MID1: variants seen among roughly 807,000 people sequenced by gnomAD.
The protein encoded by MID1 is E3 ubiquitin-protein ligase Midline-1.
A neutral mutation model predicts 40.4 loss-of-function variants in MID1; 7 were observed. The ratio of observed to expected loss-of-function variants is 0.17; its 90% confidence interval spans 0.10 to 0.33. The LOEUF is 0.33. Ranked by LOEUF, MID1 falls within the 10% of genes least tolerant of loss-of-function variation. The probability of loss-of-function intolerance (pLI) is 1.00; values close to 1 mark genes in which losing one functional copy is unlikely to be tolerated. For missense variants in MID1, 367 were observed against 558.5 expected (o/e 0.66, Z 3.46); for synonymous variants, 229 against 221.2 (o/e 1.04, Z -0.31).
intron 2 of MID1, among the ~76,000 whole-genome samples, chrX:10,560,723 G>T (rs1471610567): frequency 9.0e-6 from 1 of 111,109 alleles, no homozygotes; most frequent in African/African-American, 3.3e-5. Context: ...AATAAGAGAG[G>T]ACACAAACAA....
chrX:10,577,563 T>G (rs1934904942), intron 1 of MID1, among the ~76,000 whole-genome samples: 1 of 110,211 alleles, frequency 9.1e-6, no homozygotes, highest in Admixed American at 9.7e-5. Context: ...TGATAAACAA[T>G]TTAAAATATA....
intron 1 of MID1, among the ~76,000 whole-genome samples, chrX:10,575,823 C>T (rs921301177): frequency 7.2e-5 from 8 of 110,866 alleles, no homozygotes; most frequent in African/African-American, 2.3e-4. Flanking sequence ...ATAAATAATA[C>T]ATCAAGTAAG....
At chrX:10,559,777 G>A (rs765285177) in intron 2 of MID1, among the ~76,000 whole-genome samples, 1 of 111,170 alleles carries the variant, frequency 9.0e-6, no homozygotes, top group Non-Finnish European at 1.9e-5. Context: ...TAGACTATAA[G>A]CTCCATGAAG....
chrX:10,787,772 C>G (rs997546628), intron 1 of MID1, among the ~76,000 whole-genome samples: 1 of 105,714 alleles, frequency 9.5e-6, no homozygotes, highest in African/African-American at 3.5e-5. Flanking sequence ...AGGAATTTCC[C>G]CCCCTAAAAT....
chrX:10,497,382 A>G (rs1209734567), intron 3 of MID1, among the ~76,000 whole-genome samples: 1 of 111,888 alleles, frequency 8.9e-6, no homozygotes, highest in Admixed American at 9.5e-5. Flanking sequence ...AACCCTGCTG[A>G]GTTGGTTTAG....
At chrX:10,791,272 A>G (rs1048947439) in intron 1 of MID1, among the ~76,000 whole-genome samples, 1 of 112,100 alleles carries the variant, frequency 8.9e-6, no homozygotes, top group African/African-American at 3.2e-5. Context: ...GGTGGGGAAG[A>G]TGAGAATGTA....
chrX:10,821,201 T>C (rs1035792705), intron 1 of MID1, among the ~76,000 whole-genome samples: 5 of 111,856 alleles, frequency 4.5e-5, no homozygotes, highest in Non-Finnish European at 9.4e-5. Flanking sequence ...CTCCTGGAAG[T>C]ATAGAAGACA....
At chrX:10,662,525 A>G (rs2042921738) in intron 1 of MID1, among the ~76,000 whole-genome samples, 1 of 111,247 alleles carries the variant, frequency 9.0e-6, no homozygotes, top group African/African-American at 3.3e-5. Context: ...TATTTGTGGC[A>G]TGTATATCGG....
chrX:10,557,853 A>T (rs1934181153), intron 2 of MID1, among the ~76,000 whole-genome samples: 1 of 111,481 alleles, frequency 9.0e-6, no homozygotes, highest in African/African-American at 3.3e-5. Context: ...AGGACCTTGA[A>T]TCTCACAATT....
At chrX:10,497,677 CT>C (rs770834764) in intron 3 of MID1, among the ~76,000 whole-genome samples, 236 of 111,768 alleles carry the variant, frequency 2.1e-3, no homozygotes, top group Non-Finnish European at 3.5e-3. Flanking sequence ...TACAATAGTC[CT>C]GAATAAAATG....
chrX:10,655,333 C>A (rs2042863303), intron 1 of MID1, among the ~76,000 whole-genome samples: 1 of 111,295 alleles, frequency 9.0e-6, no homozygotes, highest in Non-Finnish European at 1.9e-5. Flanking sequence ...CAAGCCAGGC[C>A]AATAAGCTTT....
chrX:10,543,838 G>GT (rs1467526515), intron 2 of MID1, among the ~76,000 whole-genome samples: 5 of 108,434 alleles, frequency 4.6e-5, no homozygotes, highest in Middle Eastern at 4.3e-3. Flanking sequence ...GCGAGACTCT[G>GT]TTTTTTTAAA....
intron 2 of MID1, among the ~76,000 whole-genome samples, chrX:10,528,617 C>G (rs772180016): frequency 4.2e-4 from 47 of 111,740 alleles, no homozygotes; most frequent in Non-Finnish European, 8.1e-4. Context: ...TTTACCAAAA[C>G]AAGTGGTGAG....
At chrX:10,618,004 A>T (rs1438784521) in intron 1 of MID1, among the ~76,000 whole-genome samples, 2 of 112,383 alleles carry the variant, frequency 1.8e-5, no homozygotes, top group African/African-American at 3.2e-5. Context: ...TTTTCTGCCA[A>T]CCTGGCAGAA....
intron 3 of MID1, among the ~76,000 whole-genome samples, chrX:10,502,966 G>A (rs1055676684): frequency 8.9e-6 from 1 of 111,818 alleles, no homozygotes; most frequent in African/African-American, 3.2e-5. Context: ...TCACTCCAAA[G>A]GAAAAACATT....
chrX:10,503,324 T>G (rs989357712), intron 3 of MID1, among the ~76,000 whole-genome samples: 7 of 111,697 alleles, frequency 6.3e-5, no homozygotes, highest in African/African-American at 2.3e-4. Flanking sequence ...GTAATTCATC[T>G]GATATGTTTA....
intron 2 of MID1, among the ~76,000 whole-genome samples, chrX:10,526,875 C>A (rs1932844711): frequency 9.0e-6 from 1 of 111,345 alleles, no homozygotes; most frequent in Non-Finnish European, 1.9e-5. Context: ...AGACTTGTTT[C>A]CAAGTGGTAC....
rs1401662194 is a variant in MID1 at position 10,606,732 on chromosome X, G to T, written c.-57+13558C>A. 4.7e-5 allele frequency among the ~76,000 whole-genome samples: 5 copies of T among 107,073 alleles called. No individual in the cohort carries two copies. The East Asian group carries it at 1.4e-3, about 30-fold the overall frequency. The allele number at this position is 107,073 out of a possible 115,157, so 93.0% of individuals were successfully genotyped here. A position where few individuals can be genotyped will look rare whatever the true frequency, so the allele number is the denominator to read the frequency against. On this transcript the variant is annotated intron_variant, in intron 1 of 9. Coordinates refer to ENST00000317552, the MANE Select transcript of MID1 (RefSeq NM_000381.4). ...TTTCAATTATGTGTGTTCAATTTGT[G>T]TTTTATTTTATTTTGTTTTGTTTTG...
At chrX:10,719,428 G>C (rs2043331953) in intron 1 of MID1, among the ~76,000 whole-genome samples, 2 of 111,117 alleles carry the variant, frequency 1.8e-5, no homozygotes, top group African/African-American at 6.6e-5. Context: ...GCCAAATCAT[G>C]AGTGAACTCC....
Sources: allele counts gnomAD v4.1 joint callset (sites outside exome capture counted in the v4.1 genomes callset), GRCh38; gene constraint gnomAD v4.1.1; transcripts MANE v1.5; gene names NCBI Gene and HGNC (gene_info 2026-07-23, HGNC 2026-07-21).